ARHGEF28: variants seen among roughly 807,000 people sequenced by gnomAD.
ARHGEF28 encodes 190 kDa guanine nucleotide exchange factor.
Under a neutral mutation model 206.6 loss-of-function variants are expected in ARHGEF28, and 152 were observed. That is an observed-to-expected ratio of 0.74 (90% CI 0.64 to 0.84). The LOEUF (loss-of-function observed/expected upper bound fraction) is 0.84. Among genes scored for constraint, ARHGEF28 ranks in the 40% least tolerant of loss-of-function variants. The pLI is 0.00. For missense variants in ARHGEF28, 2,028 were observed against 2,073.2 expected (o/e 0.98, Z 0.42); for synonymous variants, 763 against 776.4 (o/e 0.98, Z 0.29).
At chr5:73,786,405 A>G (rs1754163746) in intron 7 of ARHGEF28, 1 of 152,200 alleles carries the variant, frequency 6.6e-6, no homozygotes, top group Non-Finnish European at 1.5e-5. Flanking sequence ...CACTACCCCT[A>G]TAGAGCAGAG....
At chr5:73,733,565 C>A (rs1750730837) in intron 2 of ARHGEF28, among the ~76,000 whole-genome samples, 1 of 152,072 alleles carries the variant, frequency 6.6e-6, no homozygotes, top group African/African-American at 2.4e-5. Flanking sequence ...ACCGATTACA[C>A]TAAAATCTCA....
At chr5:73,892,612 GTTTA>G (rs372179338) in intron 27 of ARHGEF28, among the ~76,000 whole-genome samples, 10 of 152,170 alleles carry the variant, frequency 6.6e-5, no homozygotes, top group Admixed American at 1.3e-4. Flanking sequence ...ATATGTGTGT[GTTTA>G]TTTAATTAGA....
At chr5:73,912,950 C>G (rs1032027458) in intron 35 of ARHGEF28, among the ~76,000 whole-genome samples, 14 of 152,198 alleles carry the variant, frequency 9.2e-5, no homozygotes, top group Non-Finnish European at 1.9e-4. Flanking sequence ...CCACATTCAG[C>G]TTTTGTTTAA....
In ARHGEF28 at chr5:73,893,282, T is replaced by C. The variant is rs773945083; in HGVS notation, c.3652T>C (p.Cys1218Arg). 6 of 1,552,878 alleles carry C rather than the reference T, an allele frequency of 3.9e-6. No homozygotes were observed. The South Asian group carries it at 6.0e-5, about 16-fold the overall frequency. ...AEARVAKIQQ[C>R]QEILTNQDQQ... ...AGCCAGAGTGGCCAAAATTCAGCAATGTCAAGGTACAGTGCAGGCACTTCT... is the reference window on the plus strand; with the variant it reads ...AGCCAGAGTGGCCAAAATTCAGCAACGTCAAGGTACAGTGCAGGCACTTCT... The change falls in exon 28 of 36, where the codon TGT (cysteine) becomes CGT (arginine). Residue 1218 changes from cysteine to arginine, a missense_variant. Coordinates refer to ENST00000513042, the MANE Select transcript of ARHGEF28 (RefSeq NM_001177693.2).
At chr5:73,675,995 G>C (rs1317082723) in intron 1 of ARHGEF28, among the ~76,000 whole-genome samples, 7 of 151,538 alleles carry the variant, frequency 4.6e-5, no homozygotes, top group African/African-American at 1.7e-4. Flanking sequence ...ATTAAGGAGG[G>C]GGGTGTGAAA....
intron 1 of ARHGEF28, among the ~76,000 whole-genome samples, chr5:73,661,130 A>G (rs1411104207): frequency 6.6e-6 from 1 of 152,230 alleles, no homozygotes; most frequent in Non-Finnish European, 1.5e-5. Context: ...ACCTTCATCA[A>G]TGATCTTAGC....
At position 73,904,065 on chromosome 5, in the gene ARHGEF28, C is replaced by G. The variant is rs529427289; in HGVS notation, c.4075-157C>G. 2.6e-5 allele frequency: 18 copies of G among 686,956 alleles called. No individual in the cohort carries two copies. The South Asian group carries it at 3.7e-4, about 14-fold the overall frequency. The allele number at this position is 686,956 out of a possible 1,614,324, so 42.6% of individuals were successfully genotyped here. ...TCAAGTGTTTGTTTGATTCTATAGG[C>G]TTTTATTTCTGGGAGGAAACTGAGT... On this transcript the variant is annotated intron_variant, in intron 31 of 35. Transcript: ENST00000513042.
chr5:73,887,662 T>C lies in ARHGEF28; in HGVS notation c.3370T>C (p.Tyr1124His). 1.9e-6 allele frequency: 3 copies of C among 1,572,602 alleles called. No homozygotes were observed. The highest frequency in any genetic ancestry group is 2.6e-6 in the Non-Finnish European group (3 of 1,157,298). Residue 1124 changes from tyrosine (Y) to histidine (H), a missense_variant, in exon 26 of 36, where the codon TAC (tyrosine) becomes CAC (histidine). By Grantham distance (83) the Tyr-to-His change is moderately conservative (BLOSUM62 2). Coordinates refer to ENST00000513042, the MANE Select transcript of ARHGEF28 (RefSeq NM_001177693.2). ...LLFLQEKDQK[Y>H]IFAAVDQKPS... ...CTTTTTACAAGAAAAAGACCAGAAA[T>C]ACATCTTTGCAGCCGTTGTAAGTAT...
chr5:73,746,149 C>G (rs1240445635), intron 2 of ARHGEF28, among the ~76,000 whole-genome samples: 1 of 152,174 alleles, frequency 6.6e-6, no homozygotes, highest in African/African-American at 2.4e-5. Flanking sequence ...TTTGTGACAA[C>G]TTGTTCATAT....
chr5:73,919,783 T>C (rs1561195706), intron 35 of ARHGEF28, among the ~76,000 whole-genome samples: 1 of 152,212 alleles, frequency 6.6e-6, no homozygotes, highest in African/African-American at 2.4e-5. Context: ...CTGAATCAAT[T>C]TGTACTTGTT....
chr5:73,872,927 A>G, intron 21 of ARHGEF28, 72 bp from the exon 22 acceptor site: 2 of 1,542,128 alleles, frequency 1.3e-6, no homozygotes. Context: ...GTGTTGAGTT[A>G]CTAATTTAGT....
chr5:73,915,957 T>C (rs1196235474), intron 35 of ARHGEF28, among the ~76,000 whole-genome samples: 2 of 152,186 alleles, frequency 1.3e-5, no homozygotes, highest in East Asian at 1.9e-4. Flanking sequence ...AAAAAGTAAC[T>C]TGATTAAGTT....
At chr5:73,745,723 G>T (rs908603556) in intron 2 of ARHGEF28, among the ~76,000 whole-genome samples, 1 of 151,924 alleles carries the variant, frequency 6.6e-6, no homozygotes, top group Non-Finnish European at 1.5e-5. Context: ...TTTTATTTGG[G>T]CATGATTGGG....
At chr5:73,913,855 A>G (rs998059140) in intron 35 of ARHGEF28, among the ~76,000 whole-genome samples, 2 of 151,960 alleles carry the variant, frequency 1.3e-5, no homozygotes, top group African/African-American at 4.8e-5. Context: ...GGCTTCAGTC[A>G]CTCTTTCATT....
At chr5:73,751,627 C>A (rs1752021733) in intron 3 of ARHGEF28, among the ~76,000 whole-genome samples, 1 of 151,982 alleles carries the variant, frequency 6.6e-6, no homozygotes, top group East Asian at 1.9e-4. Context: ...TTATCTTTTT[C>A]TTTACTTGCA....
In ARHGEF28 at chr5:73,910,536, C is replaced by T. The variant is rs1762838117; in HGVS notation, c.4647+639C>T. 2.0e-5 allele frequency among the ~76,000 whole-genome samples: 3 copies of T among 152,122 alleles called. No homozygotes were observed. The South Asian group carries it at 6.2e-4, about 32-fold the overall frequency. ...TGGGTTTGTCCTGGAGGCACACTCA[C>T]TGCGAGCGTGCTCTTTTTCCAGTAT... On this transcript the variant is annotated intron_variant, in intron 34 of 35. Coordinates refer to ENST00000513042, the MANE Select transcript of ARHGEF28 (RefSeq NM_001177693.2).
At chr5:73,784,431 A>G (rs898250869) in intron 7 of ARHGEF28, among the ~76,000 whole-genome samples, 4 of 152,174 alleles carry the variant, frequency 2.6e-5, no homozygotes, top group African/African-American at 9.7e-5. Flanking sequence ...ATGAATGGCC[A>G]AAAAGTCTTC....
intron 4 of ARHGEF28, among the ~76,000 whole-genome samples, chr5:73,760,895 C>G (rs1412975397): frequency 6.6e-6 from 1 of 152,142 alleles, no homozygotes; most frequent in East Asian, 1.9e-4. Flanking sequence ...TTAACTCTTC[C>G]TTAAAAAATA....
Position 73,894,504 on chromosome 5 carries a change from A to G in ARHGEF28, c.3770A>G (p.His1257Arg), listed in dbSNP as rs1282060812. ...TTTGAGGACGTCCATCTAGAGCCCCACCTCCTTATTAAACCTGACCCAGGC... is the reference window on the plus strand; with the variant it reads ...TTTGAGGACGTCCATCTAGAGCCCCGCCTCCTTATTAAACCTGACCCAGGC... ...SGFEDVHLEP[H>R]LLIKPDPGEP... is the part of the protein sequence containing the mutation. The change falls in exon 29 of 36, where the codon CAC becomes CGC. Residue 1257 changes from histidine to arginine, a missense_variant. Physicochemically the swap from His to Arg is conservative, Grantham distance 29. Coordinates refer to ENST00000513042, the MANE Select transcript of ARHGEF28 (RefSeq NM_001177693.2). 1.2e-6 allele frequency: 2 copies of G among 1,613,754 alleles called. No homozygotes were observed. Among genetic ancestry groups the G allele is most frequent in the South Asian group, 2.2e-5 (2 of 91,042 alleles).
Sources: allele counts gnomAD v4.1 joint callset (sites outside exome capture counted in the v4.1 genomes callset), GRCh38; gene constraint gnomAD v4.1.1; transcripts MANE v1.5; gene names NCBI Gene and HGNC (gene_info 2026-07-23, HGNC 2026-07-21).